Variants in IL6R observed in about 807,000 individuals in gnomAD.
The protein encoded by IL6R is interleukin 6 receptor.
In IL6R, 38 loss-of-function variants were observed where a neutral mutation model predicts 48.3. The observed-to-expected ratio is 0.79, with a 90% CI of 0.61 to 1.03. The LOEUF is 1.03. IL6R is among the 50% of genes least tolerant of loss of function. IL6R has a pLI of 0.00. For missense variants in IL6R, 534 were observed against 618.3 expected (o/e 0.86, Z 1.45); for synonymous variants, 264 against 256.2 (o/e 1.03, Z -0.29).
chr1:154,444,043 G>A (rs1365904731), intron 6 of IL6R, among the ~76,000 whole-genome samples: 3 of 152,040 alleles, frequency 2.0e-5, no homozygotes, highest in Admixed American at 6.6e-5. Context: ...CAGCCATTCT[G>A]TTGCACTCCA....
rs1688238245 is a variant in IL6R at position 154,414,807 on chromosome 1, C to A, written c.85+9093C>A. 4.0e-6 allele frequency: 3 copies of A among 756,622 alleles called. No homozygotes were observed. In the African/African-American group the frequency reaches 5.1e-5, roughly 13 times the overall value. The allele number at this position is 756,622 out of a possible 1,614,324, so 46.9% of individuals were successfully genotyped here. On this transcript the variant is annotated intron_variant, in intron 1 of 9. Transcript: ENST00000368485. The stretch of plus-strand genomic sequence containing the variant: ...GCTCCATGTGGAACTCAGCCACCCG[C>A]TTCTGGGACAGCAGGAAGAGGAGAT...
intron 9 of IL6R, among the ~76,000 whole-genome samples, chr1:154,463,205 C>A (rs766693949): frequency 1.2e-4 from 18 of 151,374 alleles, no homozygotes; most frequent in Non-Finnish European, 2.5e-4. Context: ...AGTAGAATTC[C>A]TGGGTCAGAG....
intron 1 of IL6R, chr1:154,414,591 G>T: frequency 1.3e-6 from 1 of 752,608 alleles, no homozygotes. Flanking sequence ...AGGCTTTCTT[G>T]ATGCACCCGG....
Position 154,455,446 on chromosome 1 carries a change from T to C in IL6R, c.1160+865T>C, listed in dbSNP as rs532927602. 6.9e-5 allele frequency among the ~76,000 whole-genome samples: 10 copies of C among 145,454 alleles called. No homozygotes were observed. In the East Asian group the frequency reaches 1.8e-3, roughly 26 times the overall value. ...TTCTTTTTCTTTTTCTTTCTCTTTC[T>C]TTTCTTTTCTTTTTTTTTTTTTTTT... On this transcript the variant is annotated intron_variant, in intron 9 of 9. Transcript: ENST00000368485.
intron 1 of IL6R, among the ~76,000 whole-genome samples, chr1:154,411,029 G>A (rs143530290): frequency 3.1e-4 from 47 of 152,280 alleles, no homozygotes; most frequent in South Asian, 2.5e-3. Context: ...CAAGATGAGA[G>A]GCCAGTTTTG....
At chr1:154,406,079 C>A (rs1438507017) in intron 1 of IL6R, among the ~76,000 whole-genome samples, 3 of 152,186 alleles carry the variant, frequency 2.0e-5, no homozygotes, top group Non-Finnish European at 4.4e-5. Context: ...GGGAGACTGC[C>A]CGAGAGGGCG....
chr1:154,443,990 C>T (rs1190004655), intron 6 of IL6R, among the ~76,000 whole-genome samples: 1 of 152,098 alleles, frequency 6.6e-6, no homozygotes, highest in African/African-American at 2.4e-5. Flanking sequence ...AATGTCTCTG[C>T]CTTGGTTTGG....
chr1:154,465,636 G>A lies in IL6R; in HGVS notation c.*256G>A, dbSNP rs1410162801. 5.8e-6 allele frequency: 3 copies of A among 517,264 alleles called. No homozygotes were observed. The highest frequency in any genetic ancestry group is 7.0e-6 in the Non-Finnish European group (2 of 284,828). 32.0% of individuals were successfully genotyped at this position (517,264 alleles called of 1,614,324 possible). The stretch of plus-strand genomic sequence containing the variant: ...GAGTGAACTTGGGCCACTGTGAAGA[G>A]AACCATATCAAGACTCTTTGGACAC... On this transcript the variant is annotated 3_prime_UTR_variant, in exon 10 of 10. Coordinates refer to ENST00000368485, the MANE Select transcript of IL6R (RefSeq NM_000565.4).
chr1:154,424,195 A>G (rs1052759243), intron 1 of IL6R, among the ~76,000 whole-genome samples: 1 of 152,204 alleles, frequency 6.6e-6, no homozygotes, highest in African/African-American at 2.4e-5. Context: ...TTTGGTGCCG[A>G]GACCCTGTCC....
At chr1:154,446,679 C>T (rs924129107) in intron 6 of IL6R, among the ~76,000 whole-genome samples, 1 of 152,154 alleles carries the variant, frequency 6.6e-6, no homozygotes, top group African/African-American at 2.4e-5. Context: ...GTGAGGGTGC[C>T]TGGTCCACAT....
At chr1:154,438,048 C>A (rs188972421) in intron 6 of IL6R, among the ~76,000 whole-genome samples, 1 of 152,164 alleles carries the variant, frequency 6.6e-6, no homozygotes, top group East Asian at 1.9e-4. Flanking sequence ...TTAATACATG[C>A]ACATGGCAAA....
chr1:154,426,772 T>C (rs1021122116), intron 1 of IL6R, among the ~76,000 whole-genome samples: 1 of 152,178 alleles, frequency 6.6e-6, no homozygotes, highest in Non-Finnish European at 1.5e-5. Flanking sequence ...TTAAAAACAA[T>C]GTTCGCAATG....
At chr1:154,454,447 C>T (rs1342389833) in intron 8 of IL6R, 41 bp from the exon 9 acceptor site, 1 of 1,280,006 alleles carries the variant, frequency 7.8e-7, no homozygotes, top group Middle Eastern at 1.8e-4. Context: ...TCTCCATATT[C>T]TCCTCTTCCT....
chr1:154,447,474 T>TACACACACAC (rs1195596480), intron 6 of IL6R, among the ~76,000 whole-genome samples: 2 of 87,182 alleles, frequency 2.3e-5, no homozygotes, highest in African/African-American at 9.6e-5. Context: ...TATATATATA[T>TACACACACAC]ATACACACAC....
chr1:154,449,969 C>G lies in IL6R; in HGVS notation c.1055C>G (p.Thr352Arg), dbSNP rs1690486694. The part of the protein sequence containing the change: ...NILFRDSANA[T>R]SLPVQDSSSV... ...CTCTTCAGAGATTCTGCAAATGCGACAAGCCTCCCAGGTAAGGACTGGGTA... is the reference window on the plus strand; with the variant it reads ...CTCTTCAGAGATTCTGCAAATGCGAGAAGCCTCCCAGGTAAGGACTGGGTA... Residue 352 changes from threonine to arginine, a missense_variant, in exon 8 of 10, where the codon ACA (threonine) becomes AGA (arginine). Thr to Arg is a moderately conservative substitution (Grantham distance 71). Transcript: ENST00000368485. 1 of 1,604,470 alleles carries G rather than the reference C, an allele frequency of 6.2e-7. No homozygotes were observed. Among genetic ancestry groups the G allele is most frequent in the Non-Finnish European group, 8.5e-7 (1 of 1,171,266 alleles).
In IL6R at chr1:154,405,705, C is replaced by T; in HGVS notation, c.76C>T (p.Pro26Ser). 6.6e-7 allele frequency: 1 copy of T among 1,517,860 alleles called. No homozygotes were observed. Among genetic ancestry groups the T allele is most frequent in the Non-Finnish European group, 8.8e-7 (1 of 1,140,080 alleles). 94.0% of individuals were successfully genotyped at this position (1,517,860 alleles called of 1,614,324 possible). The change falls in exon 1 of 10, where the codon CCT becomes TCT. Residue 26 changes from proline (P) to serine (S), a missense_variant. Pro to Ser is a moderately conservative substitution (Grantham distance 74). Transcript: ENST00000368485. The surrounding 1 kb of genome is among the most constrained non-coding windows in gnomAD (Gnocchi z 5.2). Reference protein sequence around the residue: ...PGAALAPRRCPAQEVARGVLT... With the variant: ...PGAALAPRRCSAQEVARGVLT... ...AGCGGCGCTGGCCCCAAGGCGCTGC[C>T]CTGCGCAGGGTAAGGGCTTCGGGCG... is the stretch of plus-strand genomic sequence containing the variant.
intron 6 of IL6R, among the ~76,000 whole-genome samples, chr1:154,440,815 G>A (rs557924926): frequency 6.6e-6 from 1 of 152,224 alleles, no homozygotes; most frequent in African/African-American, 2.4e-5. Context: ...ACCACACCCA[G>A]CTAATTTTTG....
Position 154,465,500 on chromosome 1 carries a change from C to T in IL6R, c.*120C>T, listed in dbSNP as rs974581622. On this transcript the variant is annotated 3_prime_UTR_variant, in exon 10 of 10. Transcript: ENST00000368485. ...CAGGGGTGTGCGGCCTTTGGCTTCACGGAAGAGCCTTGCGGAAGGTTCTAC... is the reference window on the plus strand; with the variant it reads ...CAGGGGTGTGCGGCCTTTGGCTTCATGGAAGAGCCTTGCGGAAGGTTCTAC... The T allele has an allele frequency of 5.5e-5, 64 of 1,173,764 alleles. No homozygotes were observed. The highest frequency in any genetic ancestry group is 7.6e-5 in the African/African-American group (5 of 65,986). The allele number at this position is 1,173,764 out of a possible 1,614,324, so 72.7% of individuals were successfully genotyped here. A position where few individuals can be genotyped will look rare whatever the true frequency, so the allele number is the denominator to read the frequency against.
intron 3 of IL6R, among the ~76,000 whole-genome samples, chr1:154,434,212 C>A (rs1689474619): frequency 6.6e-6 from 1 of 151,944 alleles, no homozygotes; most frequent in South Asian, 2.1e-4. Context: ...GAGGCTGAGG[C>A]AGGAGAATCT....
Sources: gnomAD v4.1 joint callset for allele counts (sites outside exome capture counted in the v4.1 genomes callset) on GRCh38, gnomAD v4.1.1 for gene constraint, Gnocchi (gnomAD v3.1) non-coding constraint, MANE v1.5 for transcripts, NCBI Gene and HGNC (gene_info 2026-07-23, HGNC 2026-07-21) for gene names.